Variants in ATP13A2 observed in about 807,000 individuals in gnomAD.
ATP13A2 encodes the protein polyamine-transporting ATPase 13A2.
A neutral mutation model predicts 138.3 loss-of-function variants in ATP13A2; 83 were observed. The ratio of observed to expected loss-of-function variants is 0.60; its 90% CI spans 0.50 to 0.72. The LOEUF is 0.72. Among genes scored for constraint, ATP13A2 ranks in the 30% least tolerant of loss-of-function variants. ATP13A2 has a pLI of 0.00. For synonymous variants in ATP13A2, 663 were observed against 699.0 expected (o/e 0.95, Z 0.81); for missense variants, 1,402 against 1,606.4 (o/e 0.87, Z 2.17).
intron 8 of ATP13A2, chr1:17,000,791 A>C: frequency 2.1e-6 from 1 of 469,234 alleles, no homozygotes; most frequent in Non-Finnish European, 3.8e-6. Context: ...AAAATACAAA[A>C]ATTAGCCTGA....
chr1:17,004,379 G>T lies in ATP13A2; in HGVS notation c.510C>A (p.Gly170=). The change falls in exon 6 of 29, where the codon GGC becomes GGA. Residue 170 remains glycine, a synonymous_variant. Coordinates refer to ENST00000326735, the MANE Select transcript of ATP13A2 (RefSeq NM_022089.4). This position sits in a 1 kb window ranked among gnomAD's most constrained non-coding sequence, Gnocchi z 4.1. The part of the protein sequence containing the change: ...KRVLRYYLFQ[G]QRYIWIETQQ... ...GGGTCTCGATCCAGATATAGCGCTG[G>T]CCCTGGAAGAGGTAATACCGCAGCA... The T allele has an allele frequency of 1.2e-6, 2 of 1,614,098 alleles. No individual in the cohort carries two copies. Among genetic ancestry groups the T allele is most frequent in the Non-Finnish European group, 1.7e-6 (2 of 1,180,010 alleles).
In ATP13A2 at chr1:16,988,459, C is replaced by T; in HGVS notation, c.2625G>A (p.Met875Ile). The change falls in exon 24 of 29, where the codon ATG becomes ATA. Residue 875 changes from methionine (M) to isoleucine (I), a missense_variant. Coordinates refer to ENST00000326735, the MANE Select transcript of ATP13A2 (RefSeq NM_022089.4). The stretch of plus-strand genomic sequence containing the variant: ...CACAGTCATTGGCGCCGTCTCCGCA[C>T]ATGCCCACGCAGTACCTGAAGAGAG... The part of the protein sequence containing the change: ...ELQKLQYCVG[M>I]CGDGANDCGA... The T allele has an allele frequency of 1.2e-6, 2 of 1,613,870 alleles. No homozygotes were observed. Among genetic ancestry groups the T allele is most frequent in the Non-Finnish European group, 8.5e-7 (1 of 1,180,038 alleles).
Position 16,992,537 on chromosome 1 carries a change from C to T in ATP13A2, c.1794G>A (p.Gln598=), listed in dbSNP as rs1244893408. Residue 598 remains glutamine, a synonymous_variant, in exon 17 of 29, where the codon CAG becomes CAA. Coordinates refer to ENST00000326735, the MANE Select transcript of ATP13A2 (RefSeq NM_022089.4). ...EPAADSAFGT[Q]VLAVMRPPLW... ...GTGGGGGTCTCATCACTGCCAAGACCTGGGTCCCAAATGCTGAGTCTGCAG... is the reference window on the plus strand; with the variant it reads ...GTGGGGGTCTCATCACTGCCAAGACTTGGGTCCCAAATGCTGAGTCTGCAG... 1 of 1,614,106 alleles carries T rather than the reference C, an allele frequency of 6.2e-7. No homozygotes were observed. The highest frequency in any genetic ancestry group is 1.7e-5 in the Admixed American group (1 of 60,010).
Position 17,011,712 on chromosome 1 carries a change from C to A in ATP13A2, c.10+17G>T, listed in dbSNP as rs763425094. Reference sequence around the variant, plus strand: ...GGACCGCGCCGGGCTCGGGGCCGACCCGGACTCCGCACTCACCTGCGCTCA... The same window carrying A: ...GGACCGCGCCGGGCTCGGGGCCGACACGGACTCCGCACTCACCTGCGCTCA... On this transcript the variant is annotated intron_variant, in intron 1 of 28. Transcript: ENST00000326735. This position sits in a 1 kb window ranked among gnomAD's most constrained non-coding sequence, Gnocchi z 7.3. 2 of 1,487,462 alleles carry A rather than the reference C, an allele frequency of 1.3e-6. No individual in the cohort carries two copies. The highest frequency in any genetic ancestry group is 5.7e-5 in the East Asian group (2 of 34,882). 92.1% of individuals were successfully genotyped at this position (1,487,462 alleles called of 1,614,324 possible). A position where few individuals can be genotyped will look rare whatever the true frequency, so the allele number is the denominator to read the frequency against.
Position 16,995,504 on chromosome 1 carries a change from C to T in ATP13A2, c.1542+472G>A, listed in dbSNP as rs555483668. The T allele has an allele frequency of 2.5e-5, 6 of 239,178 alleles. No individual in the cohort carries two copies. The highest frequency in any genetic ancestry group is 4.2e-5 in the Non-Finnish European group (5 of 119,694). 14.8% of individuals were successfully genotyped at this position (239,178 alleles called of 1,614,324 possible). Reference sequence around the variant, plus strand: ...TTTTTTTTGAGTTTTGCTCTGTCACCCAGGCTGGAGTACAATGGCATGATC... The same window carrying T: ...TTTTTTTTGAGTTTTGCTCTGTCACTCAGGCTGGAGTACAATGGCATGATC... On this transcript the variant is annotated intron_variant, in intron 15 of 28. Coordinates refer to ENST00000326735, the MANE Select transcript of ATP13A2 (RefSeq NM_022089.4). The surrounding 1 kb of genome is among the most constrained non-coding windows in gnomAD (Gnocchi z 4.1).
In ATP13A2 at chr1:16,989,701, G is replaced by A. The variant is rs752494943; in HGVS notation, c.2599C>T (p.Gln867Ter). ...EQKTELVCEL[Q>*]KLQYCVGMCG... ...CTGCCGAGCACTCACTGAAGCTTCT[G>A]TAGCTCGCACACCAGCTCTGTCTTC... Residue 867 changes from glutamine (Q) to a stop codon, truncating the protein, a stop_gained, in exon 23 of 29, where the codon CAG becomes TAG. Coordinates refer to ENST00000326735, the MANE Select transcript of ATP13A2 (RefSeq NM_022089.4). LOFTEE classifies it high-confidence loss of function. The A allele has an allele frequency of 1.2e-6, 2 of 1,614,128 alleles. No individual in the cohort carries two copies. Among genetic ancestry groups the A allele is most frequent in the Non-Finnish European group, 1.7e-6 (2 of 1,180,040 alleles).
chr1:17,002,945 T>A (rs113764452), intron 6 of ATP13A2, among the ~76,000 whole-genome samples: 33 of 152,322 alleles, frequency 2.2e-4, no homozygotes, highest in African/African-American at 7.5e-4. Context: ...TGTCTTTACC[T>A]GAGGCCTTCT....
chr1:17,010,797 T>C (rs542571660), intron 1 of ATP13A2, among the ~76,000 whole-genome samples: 1 of 152,078 alleles, frequency 6.6e-6, no homozygotes, highest in Admixed American at 6.5e-5. Flanking sequence ...CTAGAGCCAT[T>C]TGGGACCTCT....
In ATP13A2 at chr1:16,989,207, C is replaced by T. The variant is rs551088056; in HGVS notation, c.2609+484G>A. On this transcript the variant is annotated intron_variant, in intron 23 of 28. Coordinates refer to ENST00000326735, the MANE Select transcript of ATP13A2 (RefSeq NM_022089.4). ...CTGGGATTACTGGCATGAGCCACCGCGCCTGGCCTATTACTATTTTTTGAG... is the reference window on the plus strand; with the variant it reads ...CTGGGATTACTGGCATGAGCCACCGTGCCTGGCCTATTACTATTTTTTGAG... Among the ~76,000 whole-genome samples the T allele has an allele frequency of 7.5e-4, 114 of 152,114 alleles. 1 individual carries two copies. The highest frequency in any genetic ancestry group is 3.4e-3 in the Middle Eastern group (1 of 292).
At position 16,995,396 on chromosome 1, in the gene ATP13A2, G is replaced by A. The variant is rs1271100639; in HGVS notation, c.1542+580C>T. 2 of 212,898 alleles carry A rather than the reference G, an allele frequency of 9.4e-6. No individual in the cohort carries two copies. The highest frequency in any genetic ancestry group is 7.2e-5 in the South Asian group (1 of 13,914). 13.2% of individuals were successfully genotyped at this position (212,898 alleles called of 1,614,324 possible). Reference sequence around the variant, plus strand: ...CACTCCAGTGACCACAAGGATGCCTGTGTTGGTCACTGCTGGGCCCCAAGG... The same window carrying A: ...CACTCCAGTGACCACAAGGATGCCTATGTTGGTCACTGCTGGGCCCCAAGG... On this transcript the variant is annotated intron_variant, in intron 15 of 28. Coordinates refer to ENST00000326735, the MANE Select transcript of ATP13A2 (RefSeq NM_022089.4). This position sits in a 1 kb window ranked among gnomAD's most constrained non-coding sequence, Gnocchi z 4.1.
At position 16,995,937 on chromosome 1, in the gene ATP13A2, T is replaced by C. The variant is rs760619118; in HGVS notation, c.1542+39A>G. 4.3e-6 allele frequency: 7 copies of C among 1,612,322 alleles called. No homozygotes were observed. Among genetic ancestry groups the C allele is most frequent in the Non-Finnish European group, 5.1e-6 (6 of 1,179,566 alleles). ...GAGGCCTCACTGGGGCGCCTGTGGC[T>C]GTCCCGCTCCCCTGCACCAACCCCA... On this transcript the variant is annotated intron_variant, in intron 15 of 28. Transcript: ENST00000326735. The surrounding 1 kb of genome is among the most constrained non-coding windows in gnomAD (Gnocchi z 4.1).
At position 17,000,008 on chromosome 1, in the gene ATP13A2, C is replaced by G. The variant is rs1480028215; in HGVS notation, c.1039+3G>C. On this transcript the variant is annotated splice_donor_region_variant and intron_variant, in intron 11 of 28. Coordinates refer to ENST00000326735, the MANE Select transcript of ATP13A2 (RefSeq NM_022089.4). ...AGCTGCAGGCCAGGGGCTGGGGGCT[C>G]ACCTGTCAGAGAGCTCTCATTCACC... The G allele has an allele frequency of 6.2e-7, 1 of 1,603,484 alleles. No homozygotes were observed. The highest frequency in any genetic ancestry group is 1.3e-5 in the African/African-American group (1 of 74,752).
chr1:16,986,667 G>A lies in ATP13A2; in HGVS notation c.3236-35C>T, dbSNP rs767739342. ...GGAGAGTCTCTCAGGCAGGAGCCAC[G>A]CCCCCCCGGCACCCACAGACACACG... On this transcript the variant is annotated intron_variant, in intron 27 of 28. Coordinates refer to ENST00000326735, the MANE Select transcript of ATP13A2 (RefSeq NM_022089.4). This position sits in a 1 kb window ranked among gnomAD's most constrained non-coding sequence, Gnocchi z 6.9. The A allele has an allele frequency of 1.3e-5, 21 of 1,578,716 alleles. No homozygotes were observed. Among genetic ancestry groups the A allele is most frequent in the Admixed American group, 5.4e-5 (3 of 55,284 alleles).
chr1:16,992,743 T>A (rs907143139), intron 16 of ATP13A2, among the ~76,000 whole-genome samples, 162 bp from the exon 17 acceptor site: 1 of 152,228 alleles, frequency 6.6e-6, no homozygotes. Context: ...CTTTGCTACT[T>A]ACAAGCTGTT....
chr1:16,996,137 C>G lies in ATP13A2; in HGVS notation c.1381G>C (p.Ala461Pro), dbSNP rs766727472. 1 of 1,614,080 alleles carries G rather than the reference C, an allele frequency of 6.2e-7. No individual in the cohort carries two copies. Among genetic ancestry groups the G allele is most frequent in the Admixed American group, 1.7e-5 (1 of 60,030 alleles). ...RVPLNEIVIR[A>P]LDLVTVVVPP... is the part of the protein sequence containing the mutation. ...ACCACCACGGTCACCAGGTCGAGAG[C>G]CCGGATTACAATCTCATTCAGAGGC... The change falls in exon 15 of 29, where the codon GCT (alanine) becomes CCT (proline). Residue 461 changes from alanine (A) to proline (P), a missense_variant. Ala to Pro is a conservative substitution (Grantham distance 27). Coordinates refer to ENST00000326735, the MANE Select transcript of ATP13A2 (RefSeq NM_022089.4).
chr1:16,988,009 C>T (rs1421558715), intron 25 of ATP13A2, 129 bp downstream of exon 25: 16 of 882,042 alleles, frequency 1.8e-5, no homozygotes, highest in East Asian at 5.1e-5. Flanking sequence ...ACCACACAGC[C>T]GGAGAGTGGC....
rs1005612211 is a variant in ATP13A2 at position 17,005,423 on chromosome 1, C to T, written c.239G>A (p.Cys80Tyr). Residue 80 changes from cysteine (C) to tyrosine (Y), a missense_variant, in exon 3 of 29, where the codon TGC (cysteine) becomes TAC (tyrosine). Cys to Tyr is a radical substitution (Grantham distance 194). Transcript: ENST00000326735. ...GAGTGTTTCGGCGTGGGCCAGGTTG[C>T]AGGGCCGGAGCCGCAGCCGCACCCC... ...LWGVRLRLRP[C>Y]NLAHAETLVI... 6.2e-7 allele frequency: 1 copy of T among 1,612,980 alleles called. No individual in the cohort carries two copies. Among genetic ancestry groups the T allele is most frequent in the Non-Finnish European group, 8.5e-7 (1 of 1,179,498 alleles).
chr1:16,993,735 A>G lies in ATP13A2; in HGVS notation c.1643T>C (p.Val548Ala). 2 of 1,592,648 alleles carry G rather than the reference A, an allele frequency of 1.3e-6. No homozygotes were observed. The highest frequency in any genetic ancestry group is 1.7e-6 in the Non-Finnish European group (2 of 1,170,410). ...PLVPEPRRLP[V>A]GPLLRALATC... is the part of the protein sequence containing the mutation. ...GGCCAGTGCTCGGAGCAGGGGCCCCACAGGCAGGCGGCGAGGCTCTGGGAC... is the reference window on the plus strand; with the variant it reads ...GGCCAGTGCTCGGAGCAGGGGCCCCGCAGGCAGGCGGCGAGGCTCTGGGAC... The change falls in exon 16 of 29, where the codon GTG (valine) becomes GCG (alanine). Residue 548 changes from valine to alanine, a missense_variant. Transcript: ENST00000326735.
chr1:17,011,455 G>A lies in ATP13A2; in HGVS notation c.10+274C>T, dbSNP rs2101415156. 6.6e-6 allele frequency among the ~76,000 whole-genome samples: 1 copy of A among 152,274 alleles called. No individual in the cohort carries two copies. The highest frequency in any genetic ancestry group is 1.9e-4 in the East Asian group (1 of 5,158). On this transcript the variant is annotated intron_variant, in intron 1 of 28. Coordinates refer to ENST00000326735, the MANE Select transcript of ATP13A2 (RefSeq NM_022089.4). This position sits in a 1 kb window ranked among gnomAD's most constrained non-coding sequence, Gnocchi z 7.3. The stretch of plus-strand genomic sequence containing the variant: ...CCAGGACCCTCTTGCACAAGCGCCC[G>A]GCTTCCAATCCCGCGGCTGAGGGGT...
Sources: gnomAD v4.1 joint callset for allele counts (sites outside exome capture counted in the v4.1 genomes callset) on GRCh38, gnomAD v4.1.1 for gene constraint, Gnocchi (gnomAD v3.1) non-coding constraint, MANE v1.5 for transcripts, NCBI Gene and HGNC (gene_info 2026-07-23, HGNC 2026-07-21) for gene names.